TOLLIP: variants seen among roughly 807,000 people sequenced by gnomAD.
TOLLIP encodes the protein toll-interacting protein.
A neutral mutation model predicts 33.5 loss-of-function variants in TOLLIP; 16 were observed. The ratio of observed to expected loss-of-function variants is 0.48; its 90% CI spans 0.32 to 0.72. TOLLIP has a LOEUF of 0.72. TOLLIP is among the 30% of genes least tolerant of loss of function. The probability of loss-of-function intolerance (pLI) is 0.03; values close to 1 mark genes in which losing one functional copy is unlikely to be tolerated. For synonymous variants in TOLLIP, 176 were observed against 163.7 expected (o/e 1.07, Z -0.57); for missense variants, 325 against 396.6 (o/e 0.82, Z 1.53).
intron 1 of TOLLIP, among the ~76,000 whole-genome samples, chr11:1,309,245 C>T (rs1014025954): frequency 4.6e-5 from 7 of 152,158 alleles, no homozygotes; most frequent in Non-Finnish European, 7.4e-5. Flanking sequence ...CCCGGCACGG[C>T]GGTGAGCTCA....
chr11:1,289,425 G>A (rs935488548), intron 3 of TOLLIP, among the ~76,000 whole-genome samples: 7 of 152,164 alleles, frequency 4.6e-5, no homozygotes, highest in Admixed American at 3.3e-4. Flanking sequence ...CAGCAGCCTC[G>A]CCACATCCCC....
At chr11:1,287,000 C>T (rs1016704583) in intron 4 of TOLLIP, among the ~76,000 whole-genome samples, 5 of 152,040 alleles carry the variant, frequency 3.3e-5, no homozygotes, top group Admixed American at 6.5e-5. Context: ...TCTCTGAGTT[C>T]GAAACTGTCA....
In TOLLIP at chr11:1,295,757, A is replaced by C; in HGVS notation, c.71T>G (p.Ile24Ser). The C allele has an allele frequency of 6.2e-7, 1 of 1,600,984 alleles. No homozygotes were observed. Among genetic ancestry groups the C allele is most frequent in the Non-Finnish European group, 8.5e-7 (1 of 1,174,072 alleles). ...CTGCCGCTGCTGCTGTGTGGGCGTG[A>C]TGCGGAGGAAGTCCTGCGGGAGCTC... is the stretch of plus-strand genomic sequence containing the variant. ...IGELPQDFLR[I>S]TPTQQQRQVQ... Residue 24 changes from isoleucine to serine, a missense_variant, in exon 2 of 6, where the codon ATC becomes AGC. Coordinates refer to ENST00000317204, the MANE Select transcript of TOLLIP (RefSeq NM_019009.4).
intron 1 of TOLLIP, among the ~76,000 whole-genome samples, chr11:1,300,487 T>C (rs1037863007): frequency 7.9e-5 from 12 of 152,256 alleles, no homozygotes; most frequent in African/African-American, 1.2e-4. Flanking sequence ...TTTTTTGTCA[T>C]GCAATGTGTG....
chr11:1,277,267 T>TC lies in TOLLIP; in HGVS notation c.611-15dup. 1 of 1,526,350 alleles carries TC rather than the reference T, an allele frequency of 6.6e-7. No homozygotes were observed. The highest frequency in any genetic ancestry group is 8.8e-7 in the Non-Finnish European group (1 of 1,134,438). 94.6% of individuals were successfully genotyped at this position (1,526,350 alleles called of 1,614,324 possible). On this transcript the variant is annotated splice_polypyrimidine_tract_variant and intron_variant, in intron 5 of 5. Transcript: ENST00000317204. This position sits in a 1 kb window ranked among gnomAD's most constrained non-coding sequence, Gnocchi z 4.2. Reference sequence around the variant, plus strand: ...CAGCGGGCATCCCTGGAAGCAAAGATCAAGTTTGGTAAAAACGTCGGAAAG... The same window carrying TC: ...CAGCGGGCATCCCTGGAAGCAAAGATCCAAGTTTGGTAAAAACGTCGGAAAG...
rs779088825 is a variant in TOLLIP, at chr11:1,288,788, A to G, written c.367-12T>C. ...ATGGAGAAGGCTCTCTGCGGGAGAC[A>G]AGAGGGAGAGGCCCCAGGCATCAGG... is the stretch of plus-strand genomic sequence containing the variant. On this transcript the variant is annotated splice_polypyrimidine_tract_variant and intron_variant, in intron 3 of 5. Transcript: ENST00000317204. The G allele has an allele frequency of 3.4e-5, 54 of 1,609,216 alleles. No individual in the cohort carries two copies. The highest frequency in any genetic ancestry group is 5.0e-5 in the Admixed American group (3 of 59,746).
chr11:1,288,564 A>C (rs1863823762), intron 4 of TOLLIP, 60 bp downstream of exon 4: 235 of 1,532,340 alleles, frequency 1.5e-4, no homozygotes, highest in Middle Eastern at 1.9e-4. Context: ...GGGGCGGCAT[A>C]GCCCCGACGT....
intron 5 of TOLLIP, among the ~76,000 whole-genome samples, chr11:1,282,468 A>G (rs1231992634): frequency 1.3e-5 from 2 of 151,176 alleles, no homozygotes; most frequent in East Asian, 3.9e-4. Flanking sequence ...CTTAAAGTAT[A>G]ATTAAAATAA....
At position 1,277,231 on chromosome 11, in the gene TOLLIP, G is replaced by A. The variant is rs985620778; in HGVS notation, c.633C>T (p.Pro211=). The part of the protein sequence containing the change: ...PITGMPAVCS[P]GMVPVALPPA... ...GGGGCAGGGCCACGGGCACCATGCC[G>A]GGGCTACAGACAGCGGGCATCCCTG... Residue 211 remains proline, a synonymous_variant, in exon 6 of 6, where the codon CCC becomes CCT. Transcript: ENST00000317204. The surrounding 1 kb of genome is among the most constrained non-coding windows in gnomAD (Gnocchi z 4.2). The A allele has an allele frequency of 1.8e-5, 29 of 1,573,264 alleles. No individual in the cohort carries two copies. Among genetic ancestry groups the A allele is most frequent in the East Asian group, 4.5e-5 (2 of 44,130 alleles).
chr11:1,303,659 C>T lies in TOLLIP; in HGVS notation c.33+5807G>A, dbSNP rs1275325864. 6.6e-6 allele frequency among the ~76,000 whole-genome samples: 1 copy of T among 152,220 alleles called. No homozygotes were observed. Among genetic ancestry groups the T allele is most frequent in the Admixed American group, 6.5e-5 (1 of 15,276 alleles). ...GGCCCGCAGGATCTGGAGACAGTGA[C>T]TCAGGGACAGGAAACACTTGCACAG... On this transcript the variant is annotated intron_variant, in intron 1 of 5. Coordinates refer to ENST00000317204, the MANE Select transcript of TOLLIP (RefSeq NM_019009.4). This position sits in a 1 kb window ranked among gnomAD's most constrained non-coding sequence, Gnocchi z 4.2.
rs1320534291 is a variant in TOLLIP at position 1,309,612 on chromosome 11, CCA to C, written c.-116_-115del. The C allele has an allele frequency of 2.0e-5, 8 of 402,784 alleles. No homozygotes were observed. Among genetic ancestry groups the C allele is most frequent in the Non-Finnish European group, 3.3e-5 (8 of 244,450 alleles). 25.0% of individuals were successfully genotyped at this position (402,784 alleles called of 1,614,324 possible). The stretch of plus-strand genomic sequence containing the variant: ...AGTTGTCACCTCGAGGCCGCCGCCG[CCA>C]CAGTCAGCTGACAGCCGCCGCGCCC... On this transcript the variant is annotated 5_prime_UTR_variant, in exon 1 of 6. Transcript: ENST00000317204.
chr11:1,285,749 C>T (rs190296422), intron 5 of TOLLIP, among the ~76,000 whole-genome samples: 84 of 150,754 alleles, frequency 5.6e-4, no homozygotes, highest in Non-Finnish European at 1.0e-3. Flanking sequence ...AATTTCAACT[C>T]ACCTCATTTC....
chr11:1,300,842 A>G (rs963891033), intron 1 of TOLLIP, among the ~76,000 whole-genome samples: 4 of 152,222 alleles, frequency 2.6e-5, no homozygotes, highest in African/African-American at 9.6e-5. Context: ...GCAGGAGACC[A>G]GGGTTTCCTG....
In TOLLIP at chr11:1,276,481, C is replaced by T. The variant is rs986638494; in HGVS notation, c.*558G>A. The stretch of plus-strand genomic sequence containing the variant: ...TGGCCAGGTGAGCCAGGCCAGAGGC[C>T]GGCCCCACACCATCCACAGGAAGCT... On this transcript the variant is annotated 3_prime_UTR_variant, in exon 6 of 6. Coordinates refer to ENST00000317204, the MANE Select transcript of TOLLIP (RefSeq NM_019009.4). The T allele has an allele frequency of 3.3e-5, 12 of 362,460 alleles. No homozygotes were observed. Among genetic ancestry groups the T allele is most frequent in the South Asian group, 2.0e-4 (9 of 44,474 alleles). The allele number at this position is 362,460 out of a possible 1,614,324, so 22.5% of individuals were successfully genotyped here. A position where few individuals can be genotyped will look rare whatever the true frequency, so the allele number is the denominator to read the frequency against.
chr11:1,287,759 C>G (rs561965756), intron 4 of TOLLIP, among the ~76,000 whole-genome samples: 1 of 1,838 alleles, frequency 5.4e-4, no homozygotes, highest in Non-Finnish European at 1.4e-3. Context: ...CCCCGCCGCA[C>G]CCTCCCCGCC....
At chr11:1,283,734 G>A (rs964469109) in intron 5 of TOLLIP, 2 of 375,318 alleles carry the variant, frequency 5.3e-6, no homozygotes, top group Admixed American at 3.3e-5. Context: ...TCTGTCATCT[G>A]AATGCTCTTT....
chr11:1,295,723 C>T lies in TOLLIP; in HGVS notation c.105G>A (p.Leu35=). 6.2e-7 allele frequency: 1 copy of T among 1,609,284 alleles called. No homozygotes were observed. The highest frequency in any genetic ancestry group is 8.5e-7 in the Non-Finnish European group (1 of 1,178,402). The change falls in exon 2 of 6, where the codon CTG becomes CTA. Residue 35 remains leucine (L), a synonymous_variant. Coordinates refer to ENST00000317204, the MANE Select transcript of TOLLIP (RefSeq NM_019009.4). ...TPTQQQRQVQ[L]DAQAAQQLQY... ...GCAGCTGCTGGGCCGCCTGGGCGTCCAGCTGGACCTGCCGCTGCTGCTGTG... is the reference window on the plus strand; with the variant it reads ...GCAGCTGCTGGGCCGCCTGGGCGTCTAGCTGGACCTGCCGCTGCTGCTGTG...
chr11:1,286,189 GC>G (rs1863687442), intron 4 of TOLLIP, 97 bp from the exon 5 acceptor site: 1 of 856,554 alleles, frequency 1.2e-6, no homozygotes, highest in Non-Finnish European at 1.9e-6. Context: ...CCCCACGCCA[GC>G]CCAGAATCGC....
chr11:1,281,968 G>A (rs368841341), intron 5 of TOLLIP, among the ~76,000 whole-genome samples: 221 of 152,350 alleles, frequency 1.5e-3, no homozygotes, highest in African/African-American at 4.8e-3. Context: ...AGTGGCTGCC[G>A]GGAGGATGGG....
Sources: allele counts gnomAD v4.1 joint callset (sites outside exome capture counted in the v4.1 genomes callset), GRCh38; gene constraint gnomAD v4.1.1; non-coding constraint Gnocchi (gnomAD v3.1); transcripts MANE v1.5; gene names NCBI Gene and HGNC (gene_info 2026-07-23, HGNC 2026-07-21).